The following PACRG variants were observed in gnomAD, a reference collection of about 807,000 sequenced individuals.
PACRG encodes the protein parkin coregulated gene protein.
Under a neutral mutation model 29.7 loss-of-function variants are expected in PACRG, and 29 were observed. The observed-to-expected ratio is 0.98, with a 90% CI of 0.73 to 1.33. PACRG has a LOEUF of 1.33. PACRG is among the 40% of genes most tolerant of loss of function. PACRG has a pLI of 0.00. For missense variants in PACRG, 279 were observed against 316.2 expected (o/e 0.88, Z 0.89); for synonymous variants, 116 against 118.7 (o/e 0.98, Z 0.15).
At chr6:162,896,221 G>C (rs879447370) in intron 2 of PACRG, among the ~76,000 whole-genome samples, 5 of 152,196 alleles carry the variant, frequency 3.3e-5, no homozygotes, top group Admixed American at 2.0e-4. Context: ...TGTTACTGCT[G>C]CCTCTTTCTA....
At chr6:163,283,528 C>T (rs13192154) in intron 4 of PACRG, among the ~76,000 whole-genome samples, 35,056 of 152,148 alleles carry the variant, frequency 0.23, 4,390 homozygotes, top group Admixed American at 0.32. Flanking sequence ...GGGCCGGGCG[C>T]GGTGGCTCAC....
chr6:162,903,096 C>T (rs188435780), intron 2 of PACRG, among the ~76,000 whole-genome samples: 3 of 152,188 alleles, frequency 2.0e-5, no homozygotes, highest in Non-Finnish European at 4.4e-5. Context: ...TAAAGGAAAA[C>T]TAAAGGTTAG....
At chr6:163,063,261 C>T (rs576609847) in intron 3 of PACRG, among the ~76,000 whole-genome samples, 6 of 152,280 alleles carry the variant, frequency 3.9e-5, no homozygotes, top group Admixed American at 3.9e-4. Context: ...CTGCTCCAGG[C>T]ACTTTCACCC....
rs143849775 is a variant in PACRG at position 162,986,801 on chromosome 6, A to T, written c.292-75349A>T. On this transcript the variant is annotated intron_variant, in intron 2 of 4. Transcript: ENST00000366888. ...TGAAGTTGTTTTTTCTGCTTGTTGT[A>T]GTCTATTGTCGACAATTTCCAGTGC... is the stretch of plus-strand genomic sequence containing the variant. 5.3e-4 allele frequency among the ~76,000 whole-genome samples: 80 copies of T among 152,186 alleles called. No homozygotes were observed. In the East Asian group the frequency reaches 0.014, roughly 26 times the overall value.
At chr6:163,035,852 G>A (rs1234359908) in intron 2 of PACRG, among the ~76,000 whole-genome samples, 3 of 139,608 alleles carry the variant, frequency 2.1e-5, no homozygotes, top group South Asian at 4.8e-4. Flanking sequence ...TGCCTTAACC[G>A]CCTGGGAATG....
intron 2 of PACRG, among the ~76,000 whole-genome samples, chr6:163,061,764 T>A (rs1000902247): frequency 6.6e-6 from 1 of 152,232 alleles, no homozygotes; most frequent in Non-Finnish European, 1.5e-5. Context: ...CTTTTTCAGC[T>A]GTTTTTATTT....
chr6:162,750,034 T>C (rs182051183), intron 1 of PACRG, among the ~76,000 whole-genome samples: 74 of 152,334 alleles, frequency 4.9e-4, no homozygotes, highest in African/African-American at 1.8e-3. Flanking sequence ...GTCTCCATTG[T>C]TGATTACCCA....
At chr6:162,785,440 G>A (rs1784392879) in intron 1 of PACRG, among the ~76,000 whole-genome samples, 1 of 152,120 alleles carries the variant, frequency 6.6e-6, no homozygotes, top group South Asian at 2.1e-4. Context: ...GAAGCGAACT[G>A]TGAAAATGGT....
chr6:163,029,737 A>G (rs911063936), intron 2 of PACRG, among the ~76,000 whole-genome samples: 2 of 152,194 alleles, frequency 1.3e-5, no homozygotes, highest in Non-Finnish European at 2.9e-5. Context: ...GGGGAGCTGC[A>G]GACCCTCTGC....
At chr6:163,008,464 A>C (rs767228093) in intron 2 of PACRG, among the ~76,000 whole-genome samples, 1 of 151,954 alleles carries the variant, frequency 6.6e-6, no homozygotes, top group Non-Finnish European at 1.5e-5. Context: ...TCACAGAGTG[A>C]AAAGAGGGTC....
At chr6:162,848,603 G>T (rs1790606531) in intron 2 of PACRG, among the ~76,000 whole-genome samples, 1 of 152,224 alleles carries the variant, frequency 6.6e-6, no homozygotes, top group African/African-American at 2.4e-5. Flanking sequence ...TTCTTTCAAA[G>T]ACTTCCTTAA....
In PACRG at chr6:162,956,141, G is replaced by C. The variant is rs148276876; in HGVS notation, c.292-106009G>C. On this transcript the variant is annotated intron_variant, in intron 2 of 4. Coordinates refer to ENST00000366888, the MANE Select transcript of PACRG (RefSeq NM_001080379.2). The stretch of plus-strand genomic sequence containing the variant: ...TAAGGTGGAAGATCAAGTGCAAGGC[G>C]GTGCCAGTTAAATAGTCGGGAATAT... 1.9e-3 allele frequency among the ~76,000 whole-genome samples: 289 copies of C among 152,272 alleles called. 2 individuals are homozygous for C. Among genetic ancestry groups the C allele is most frequent in the African/African-American group, 6.0e-3 (251 of 41,548 alleles).
chr6:163,179,338 G>T (rs1329099187), intron 4 of PACRG: 4 of 433,422 alleles, frequency 9.2e-6, no homozygotes, highest in Non-Finnish European at 1.9e-5. Context: ...CCAAGACGAG[G>T]CACAGAATTC....
At chr6:162,896,594 G>A (rs1795184796) in intron 2 of PACRG, among the ~76,000 whole-genome samples, 1 of 152,156 alleles carries the variant, frequency 6.6e-6, no homozygotes, top group Non-Finnish European at 1.5e-5. Context: ...TGATAGGAAG[G>A]TTGTGTTCTC....
At chr6:162,862,722 T>C (rs1791968674) in intron 2 of PACRG, among the ~76,000 whole-genome samples, 1 of 152,112 alleles carries the variant, frequency 6.6e-6, no homozygotes, top group Admixed American at 6.5e-5. Context: ...CTGTAAACCC[T>C]AGAGTAAGAC....
intron 2 of PACRG, among the ~76,000 whole-genome samples, chr6:162,942,522 C>A (rs548407249): frequency 6.6e-6 from 1 of 152,230 alleles, no homozygotes; most frequent in South Asian, 2.1e-4. Flanking sequence ...TATTAAATCC[C>A]TAATTTCAAA....
rs143529245 is a variant in PACRG, at chr6:163,108,454, G to T, written c.613+19046G>T. ...CTGTTGCCCAGGCTGGAACGCAGTGGTGCAGTCTCCTCACACTGCAGCCTC... is the reference window on the plus strand; with the variant it reads ...CTGTTGCCCAGGCTGGAACGCAGTGTTGCAGTCTCCTCACACTGCAGCCTC... On this transcript the variant is annotated intron_variant, in intron 4 of 4. Transcript: ENST00000366888. Among the ~76,000 whole-genome samples the T allele has an allele frequency of 1.5e-3, 220 of 144,152 alleles. 2 individuals carry two copies. Among genetic ancestry groups the T allele is most frequent in the African/African-American group, 5.5e-3 (211 of 38,278 alleles). 94.6% of individuals were successfully genotyped at this position (144,152 alleles called of 152,430 possible). A position where few individuals can be genotyped will look rare whatever the true frequency, so the allele number is the denominator to read the frequency against.
At chr6:163,131,626 T>A (rs949907738) in intron 4 of PACRG, among the ~76,000 whole-genome samples, 4 of 151,572 alleles carry the variant, frequency 2.6e-5, no homozygotes, top group Admixed American at 1.3e-4. Flanking sequence ...AGGTTTGTGG[T>A]ACGTTACAAC....
Position 163,179,723 on chromosome 6 carries a change from AAAT to A in PACRG, c.613+90316_613+90318del, listed in dbSNP as rs200947209. ...GATCTGTCTCAAAAAAAAAAAAAAAAAATTTTCTTACATCACTAGTTTTCTTGC... is the reference window on the plus strand; with the variant it reads ...GATCTGTCTCAAAAAAAAAAAAAAAATTTCTTACATCACTAGTTTTCTTGC... On this transcript the variant is annotated intron_variant, in intron 4 of 4. Coordinates refer to ENST00000366888, the MANE Select transcript of PACRG (RefSeq NM_001080379.2). Among the ~76,000 whole-genome samples, 384 of 140,682 alleles carry A rather than the reference AAAT, an allele frequency of 2.7e-3. 1 individual carries two copies. The highest frequency in any genetic ancestry group is 3.9e-3 in the Middle Eastern group (1 of 254). The allele number at this position is 140,682 out of a possible 152,430, so 92.3% of individuals were successfully genotyped here. A position where few individuals can be genotyped will look rare whatever the true frequency, so the allele number is the denominator to read the frequency against.
Sources: allele counts gnomAD v4.1 joint callset (sites outside exome capture counted in the v4.1 genomes callset), GRCh38; gene constraint gnomAD v4.1.1; transcripts MANE v1.5; gene names NCBI Gene and HGNC (gene_info 2026-07-23, HGNC 2026-07-21).